Variants in HSF2BP observed in about 807,000 individuals in gnomAD.
HSF2BP encodes heat shock transcription factor 2 binding protein, also known as heat shock factor 2-binding protein.
In HSF2BP, 35 loss-of-function variants were observed where a neutral mutation model predicts 35.0. That is an observed-to-expected ratio of 1.00 (90% CI 0.76 to 1.32). The LOEUF (loss-of-function observed/expected upper bound fraction) is 1.32, where lower values mean the gene tolerates loss of function less well. Ranked by LOEUF, HSF2BP falls within the 40% of genes most tolerant of loss-of-function variation. The pLI is 0.00. For missense variants in HSF2BP, 326 were observed against 321.7 expected, an observed-to-expected ratio of 1.01 and a Z score of -0.10; for synonymous variants, 114 against 117.4, an observed-to-expected ratio of 0.97 and a Z score of 0.18.
At chr21:43,647,084 C>T (rs1232825546) in intron 3 of HSF2BP, among the ~76,000 whole-genome samples, 1 of 152,192 alleles carries the variant, frequency 6.6e-6, no homozygotes, top group Non-Finnish European at 1.5e-5. Flanking sequence ...CCAAGAAAAA[C>T]ACATGGCTAC....
At chr21:43,605,694 C>T (rs1421737120) in intron 7 of HSF2BP, among the ~76,000 whole-genome samples, 2 of 150,974 alleles carry the variant, frequency 1.3e-5, no homozygotes, top group East Asian at 3.9e-4. Context: ...CTCATAGTCC[C>T]ACATATACAA....
At chr21:43,600,799 G>A (rs763544079) in intron 7 of HSF2BP, among the ~76,000 whole-genome samples, 2 of 152,146 alleles carry the variant, frequency 1.3e-5, no homozygotes, top group Non-Finnish European at 2.9e-5. Context: ...CTTGGTGAAC[G>A]CTACCCAAAG....
At chr21:43,614,453 C>G (rs1053837334) in intron 6 of HSF2BP, among the ~76,000 whole-genome samples, 1 of 151,808 alleles carries the variant, frequency 6.6e-6, no homozygotes, top group Non-Finnish European at 1.5e-5. Flanking sequence ...AAGTAATGTG[C>G]AGTGTGATTA....
At chr21:43,577,823 A>G (rs765637755) in intron 8 of HSF2BP, among the ~76,000 whole-genome samples, 13 of 152,202 alleles carry the variant, frequency 8.5e-5, no homozygotes, top group Non-Finnish European at 1.5e-4. Flanking sequence ...CTAACTGATC[A>G]ACTGACCTTA....
intron 7 of HSF2BP, among the ~76,000 whole-genome samples, chr21:43,607,819 C>T (rs1422342043): frequency 6.6e-6 from 1 of 152,142 alleles, no homozygotes; most frequent in Non-Finnish European, 1.5e-5. Flanking sequence ...TGACCTTTGA[C>T]AACATTGACA....
At chr21:43,572,878 T>C (rs2081593909) in intron 8 of HSF2BP, among the ~76,000 whole-genome samples, 1 of 152,232 alleles carries the variant, frequency 6.6e-6, no homozygotes, top group African/African-American at 2.4e-5. Flanking sequence ...TATAAAACTT[T>C]TGGATTACAC....
chr21:43,641,414 G>GTA (rs2082635186), intron 4 of HSF2BP, among the ~76,000 whole-genome samples: 1 of 152,232 alleles, frequency 6.6e-6, no homozygotes, highest in East Asian at 1.9e-4. Flanking sequence ...TCATAAGCAG[G>GTA]TATCAAGACC....
chr21:43,624,487 T>C lies in HSF2BP; in HGVS notation c.574+5835A>G, dbSNP rs115003094. ...GAGGCCTCAAGCCCCACCTGGCCTT[T>C]TCTGCACGCCACACTGCCTCCATGT... On this transcript the variant is annotated intron_variant, in intron 6 of 8. Coordinates refer to ENST00000291560, the MANE Select transcript of HSF2BP (RefSeq NM_007031.2). Among the ~76,000 whole-genome samples, 1,265 of 152,224 alleles carry C rather than the reference T, an allele frequency of 8.3e-3. 19 individuals are homozygous for C. The highest frequency in any genetic ancestry group is 0.027 in the African/African-American group (1,133 of 41,522).
At position 43,592,295 on chromosome 21, in the gene HSF2BP, G is replaced by C. The variant is rs768301807; in HGVS notation, c.726C>G (p.Ile242Met). 6 of 1,613,580 alleles carry C rather than the reference G, an allele frequency of 3.7e-6. No homozygotes were observed. Among genetic ancestry groups the C allele is most frequent in the Non-Finnish European group, 5.1e-6 (6 of 1,179,570 alleles). Residue 242 changes from isoleucine to methionine, a missense_variant, in exon 8 of 9, where the codon ATC becomes ATG. Ile to Met is a conservative substitution (Grantham distance 10, BLOSUM62 1). Transcript: ENST00000291560. ...TGATGTATTTCAAGCCTTTCAAATT[G>C]ATGCTTACATTGTATAGGGACATCA... ...LMLMSLYNVS[I>M]NLKGLKYISE...
At chr21:43,626,596 G>A (rs767341426) in intron 6 of HSF2BP, among the ~76,000 whole-genome samples, 24 of 152,300 alleles carry the variant, frequency 1.6e-4, no homozygotes, top group African/African-American at 2.2e-4. Context: ...GTCTTGTATG[G>A]AAAATGTTCT....
At chr21:43,586,683 A>G (rs944884227) in intron 8 of HSF2BP, among the ~76,000 whole-genome samples, 11 of 152,176 alleles carry the variant, frequency 7.2e-5, no homozygotes, top group African/African-American at 2.7e-4. Context: ...TGCAATTCAA[A>G]TCTGGGTTGA....
intron 7 of HSF2BP, among the ~76,000 whole-genome samples, chr21:43,598,069 C>A (rs985391511): frequency 1.1e-4 from 17 of 152,186 alleles, no homozygotes; most frequent in African/African-American, 4.8e-5. Context: ...AGACTGGACA[C>A]AATAAGCACT....
intron 4 of HSF2BP, among the ~76,000 whole-genome samples, chr21:43,643,582 A>G (rs2082667908): frequency 6.6e-6 from 1 of 152,182 alleles, no homozygotes; most frequent in African/African-American, 2.4e-5. Flanking sequence ...AAGCAGCCTG[A>G]GGCCCTCACC....
rs750869704 is a variant in HSF2BP at position 43,644,292 on chromosome 21, C to T, written c.288G>A (p.Lys96=). The stretch of plus-strand genomic sequence containing the variant: ...AGTCTGTCCCTGAGCATGGTACCTT[C>T]TTCTCTCTTATGTTGTCGGCCTGCA... The part of the protein sequence containing the change: ...ETVQADNIRE[K]KEKLALRQQL... The change falls in exon 4 of 9, where the codon AAG becomes AAA. Residue 96 remains lysine (K), a synonymous_variant. Transcript: ENST00000291560. 3 of 1,613,008 alleles carry T rather than the reference C, an allele frequency of 1.9e-6. No homozygotes were observed. The Admixed American group carries it at 5.0e-5, about 27-fold the overall frequency.
intron 8 of HSF2BP, among the ~76,000 whole-genome samples, chr21:43,581,740 C>T (rs1335043064): frequency 6.6e-6 from 1 of 152,154 alleles, no homozygotes; most frequent in East Asian, 1.9e-4. Flanking sequence ...ACACCCACCA[C>T]TAAAATCACT....
At chr21:43,623,382 C>T (rs1260679517) in intron 6 of HSF2BP, among the ~76,000 whole-genome samples, 2 of 152,112 alleles carry the variant, frequency 1.3e-5, no homozygotes, top group African/African-American at 4.8e-5. Flanking sequence ...AATAAACAAT[C>T]TAATGATGCA....
chr21:43,601,058 T>G (rs1275759545), intron 7 of HSF2BP, among the ~76,000 whole-genome samples: 1 of 152,244 alleles, frequency 6.6e-6, no homozygotes, highest in Non-Finnish European at 1.5e-5. Context: ...TTGTAGACAT[T>G]TAGGTAATTT....
intron 4 of HSF2BP, among the ~76,000 whole-genome samples, chr21:43,637,653 A>T (rs867972791): frequency 0.042 from 6,208 of 148,024 alleles, 432 homozygotes; most frequent in African/African-American, 0.14. Flanking sequence ...CAAAAACTTA[A>T]AAAAAAAAAA....
At chr21:43,630,274 T>G in intron 6 of HSF2BP, 48 bp downstream of exon 6, 1 of 1,532,270 alleles carries the variant, frequency 6.5e-7, no homozygotes, top group South Asian at 1.2e-5. Context: ...TTTACTGCAG[T>G]GGTCTGGAAG....
Sources: gnomAD v4.1 joint callset for allele counts (sites outside exome capture counted in the v4.1 genomes callset) on GRCh38, gnomAD v4.1.1 for gene constraint, MANE v1.5 for transcripts, NCBI Gene and HGNC (gene_info 2026-07-23, HGNC 2026-07-21) for gene names.